Variants in PRAC2 observed in about 807,000 individuals in gnomAD.
PRAC2 encodes the protein PRAC2 small nuclear protein.
For missense variants in PRAC2, 92 were observed against 114.5 expected, an observed-to-expected ratio of 0.80 and a Z score of 0.90; for synonymous variants, 43 against 49.5, an observed-to-expected ratio of 0.87 and a Z score of 0.55.
chr17:48,724,635 A>T lies in PRAC2; in HGVS notation c.225A>T (p.Val75=). The T allele has an allele frequency of 8.1e-7, 1 of 1,232,156 alleles. No homozygotes were observed. 76.3% of individuals were successfully genotyped at this position (1,232,156 alleles called of 1,614,324 possible). ...THEAPGRWKP[V]APRTMKACPQ... ...AGGCCCCAGGCCGCTGGAAGCCTGT[A>T]GCTCCGCGGACGATGAAAGCCTGCC... Residue 75 remains valine (V), a synonymous_variant, in exon 2 of 2, where the codon GTA becomes GTT. Transcript: ENST00000422730.
intron 1 of PRAC2, among the ~76,000 whole-genome samples, chr17:48,723,541 G>A (rs1296331571): frequency 6.6e-6 from 1 of 152,158 alleles, no homozygotes; most frequent in Admixed American, 6.5e-5. Context: ...GAACTGGGGG[G>A]CCTGGATGAG....
chr17:48,724,589 A>T lies in PRAC2; in HGVS notation c.179A>T (p.His60Leu). 2 of 1,232,040 alleles carry T rather than the reference A, an allele frequency of 1.6e-6. No individual in the cohort carries two copies. Among genetic ancestry groups the T allele is most frequent in the Non-Finnish European group, 1.0e-6 (1 of 987,956 alleles). The allele number at this position is 1,232,040 out of a possible 1,614,324, so 76.3% of individuals were successfully genotyped here. ...NGRRHRVLDP[H>L]TQLSTHEAPG... Reference sequence around the variant, plus strand: ...AGGCGACATCGGGTCCTGGACCCCCACACGCAGCTCAGTACCCACGAGGCC... The same window carrying T: ...AGGCGACATCGGGTCCTGGACCCCCTCACGCAGCTCAGTACCCACGAGGCC... Residue 60 changes from histidine to leucine, a missense_variant, in exon 2 of 2, where the codon CAC becomes CTC. His to Leu is a moderately conservative substitution (Grantham distance 99). Coordinates refer to ENST00000422730, the MANE Select transcript of PRAC2 (RefSeq NM_001282275.2).
intron 1 of PRAC2, chr17:48,723,577 C>A: frequency 1.6e-6 from 1 of 614,072 alleles, no homozygotes; most frequent in Non-Finnish European, 2.4e-6. Context: ...GAGGGCTTTC[C>A]AGCTTCCGGC....
At chr17:48,723,982 C>A (rs1023343779) in intron 1 of PRAC2, among the ~76,000 whole-genome samples, 1 of 152,240 alleles carries the variant, frequency 6.6e-6, no homozygotes, top group South Asian at 2.1e-4. Context: ...GGTACAATTG[C>A]GCCTTGTTAG....
At chr17:48,721,694 A>G (rs896044463), upstream of PRAC2, 2 of 1,139,886 alleles carry the variant, frequency 1.8e-6, no homozygotes, top group African/African-American at 3.2e-5. Flanking sequence ...AAAAATTGTT[A>G]TAATCACAGT....
chr17:48,720,908 A>AT (rs2038138759), upstream of PRAC2, among the ~76,000 whole-genome samples: 1 of 151,892 alleles, frequency 6.6e-6, no homozygotes, highest in Non-Finnish European at 1.5e-5. Context: ...TGGGCTTTCT[A>AT]TTTTTTCAGT....
chr17:48,721,593 G>A, upstream of PRAC2: 1 of 399,670 alleles, frequency 2.5e-6, no homozygotes. Context: ...CCAAAGTGCT[G>A]GGATTACAGC....
chr17:48,722,165 G>A (rs2038152253), upstream of PRAC2, among the ~76,000 whole-genome samples: 1 of 152,130 alleles, frequency 6.6e-6, no homozygotes, highest in Admixed American at 6.5e-5. Context: ...CCGCCAGGTG[G>A]TATCGGTGAA....
At chr17:48,719,855 G>C (rs1461805862), upstream of PRAC2, among the ~76,000 whole-genome samples, 2 of 152,152 alleles carry the variant, frequency 1.3e-5, no homozygotes, top group African/African-American at 2.4e-5. Context: ...GCGAGGCCCG[G>C]TTTCTCGCGT....
chr17:48,721,084 G>T (rs1426489273), upstream of PRAC2, among the ~76,000 whole-genome samples: 2 of 152,164 alleles, frequency 1.3e-5, no homozygotes, highest in Non-Finnish European at 2.9e-5. Context: ...AGAGAGTTAG[G>T]TGAGTCCTGA....
upstream of PRAC2, chr17:48,722,438 A>G (rs752749334): frequency 6.4e-7 from 1 of 1,551,830 alleles, no homozygotes; most frequent in Non-Finnish European, 8.9e-7. Context: ...AGCTTGCCTG[A>G]CCTTGCAAGC....
chr17:48,723,654 GGCCTC>G, intron 1 of PRAC2: 1 of 1,198,828 alleles, frequency 8.3e-7, no homozygotes, highest in Non-Finnish European at 1.0e-6. Flanking sequence ...GGCTGGCGGC[GGCCTC>G]GCAGGGTTCC....
At chr17:48,720,500 G>C (rs2038135108), upstream of PRAC2, among the ~76,000 whole-genome samples, 1 of 152,162 alleles carries the variant, frequency 6.6e-6, no homozygotes, top group Non-Finnish European at 1.5e-5. Flanking sequence ...TCCCCGTCCT[G>C]TTCCCCATTT....
intron 1 of PRAC2, 147 bp downstream of exon 1, chr17:48,723,460 G>A: frequency 2.7e-6 from 1 of 372,434 alleles, no homozygotes; most frequent in Admixed American, 4.6e-5. Context: ...CTTTAATGAA[G>A]GGGGGGAGGG....
chr17:48,720,182 G>A (rs908304426), upstream of PRAC2, among the ~76,000 whole-genome samples: 1 of 151,772 alleles, frequency 6.6e-6, no homozygotes, highest in Non-Finnish European at 1.5e-5. Context: ...GTGCGGGTGT[G>A]TGCCCGCCTG....
At chr17:48,723,559 C>T (rs2038169208) in intron 1 of PRAC2, 2 of 497,528 alleles carry the variant, frequency 4.0e-6, no homozygotes, top group Non-Finnish European at 6.3e-6. Flanking sequence ...GAGGCTTTTT[C>T]CTGCTTCGAG....
upstream of PRAC2, chr17:48,721,742 T>G: frequency 7.3e-7 from 1 of 1,368,130 alleles, no homozygotes; most frequent in Non-Finnish European, 9.5e-7. Flanking sequence ...AAAAATTTTA[T>G]TGTATAAATA....
intron 1 of PRAC2, 92 bp from the exon 2 acceptor site, chr17:48,724,235 TG>T: frequency 1.8e-6 from 1 of 547,858 alleles, no homozygotes; most frequent in Non-Finnish European, 2.8e-6. Context: ...GATTTCAATG[TG>T]GTCGTCCAGG....
upstream of PRAC2, among the ~76,000 whole-genome samples, chr17:48,720,826 G>A (rs12103773): frequency 0.27 from 41,668 of 152,012 alleles, 5,822 homozygotes; most frequent in Middle Eastern, 0.31. Flanking sequence ...GGGTGACTCC[G>A]GATGGAAGCA....
Sources: gnomAD v4.1 joint callset for allele counts (sites outside exome capture counted in the v4.1 genomes callset) on GRCh38, gnomAD v4.1.1 for gene constraint, MANE v1.5 for transcripts, NCBI Gene and HGNC (gene_info 2026-07-23, HGNC 2026-07-21) for gene names.